Variants in MLLT3 observed in about 807,000 individuals in gnomAD.
The protein encoded by MLLT3 is protein AF-9.
A neutral mutation model predicts 53.2 loss-of-function variants in MLLT3; 4 were observed. That is an observed-to-expected ratio of 0.08 (90% CI 0.04 to 0.17). The LOEUF (loss-of-function observed/expected upper bound fraction) is 0.17, where lower values mean the gene tolerates loss of function less well. MLLT3 is among the 10% of genes least tolerant of loss of function. The pLI, the probability that MLLT3 is intolerant of heterozygous loss-of-function variation, is 1.00. For missense variants in MLLT3, 569 were observed against 684.0 expected (o/e 0.83, Z 1.87); for synonymous variants, 283 against 230.6 (o/e 1.23, Z -2.06).
rs369630971 is a variant in MLLT3, at chr9:20,565,954, T to TTATATATATATATATTTA, written c.193+54699_193+54700insTAAATATATATATATATA. Reference sequence around the variant, plus strand: ...TATATATATTTATATATATATATATTTATATATATATATTTATATATATAT... The same window carrying TTATATATATATATATTTA: ...TATATATATTTATATATATATATATTTATATATATATATATTTATATATATATATATTTATATATATAT... On this transcript the variant is annotated intron_variant, in intron 2 of 10. Coordinates refer to ENST00000380338, the MANE Select transcript of MLLT3 (RefSeq NM_004529.4). Among the ~76,000 whole-genome samples the TTATATATATATATATTTA allele has an allele frequency of 3.6e-3, 126 of 34,664 alleles. 4 individuals are homozygous for TTATATATATATATATTTA. Among genetic ancestry groups the TTATATATATATATATTTA allele is most frequent in the Middle Eastern group, 9.4e-3 (1 of 106 alleles). 22.7% of individuals were successfully genotyped at this position (34,664 alleles called of 152,430 possible).
intron 2 of MLLT3, among the ~76,000 whole-genome samples, chr9:20,566,873 A>G (rs1819390930): frequency 6.6e-6 from 1 of 152,130 alleles, no homozygotes; most frequent in Non-Finnish European, 1.5e-5. Flanking sequence ...CAGCACAAGG[A>G]TACGGAGGAA....
At chr9:20,354,279 TA>T (rs947473276) in intron 9 of MLLT3, among the ~76,000 whole-genome samples, 13 of 152,224 alleles carry the variant, frequency 8.5e-5, no homozygotes, top group African/African-American at 2.7e-4. Flanking sequence ...GAGTCTTTGT[TA>T]GTGTAACTGC....
intron 5 of MLLT3, among the ~76,000 whole-genome samples, chr9:20,394,979 A>G (rs1822283502): frequency 6.6e-6 from 1 of 152,098 alleles, no homozygotes; most frequent in Non-Finnish European, 1.5e-5. Context: ...AGAGCAGGTG[A>G]AAGAAAGGTC....
intron 2 of MLLT3, among the ~76,000 whole-genome samples, chr9:20,606,221 A>G (rs1481338932): frequency 6.6e-6 from 1 of 151,996 alleles, no homozygotes; most frequent in East Asian, 1.9e-4. Context: ...ATTCAAGACC[A>G]CCCATTGAAA....
rs912710231 is a variant in MLLT3, at chr9:20,400,497, T to C, written c.1125+13224A>G. On this transcript the variant is annotated intron_variant, in intron 5 of 10. Transcript: ENST00000380338. ...CTTTAGATGTGATCATGGTATTTAGTTCTGTTTTTTAAAAAAGTCCTTATC... is the reference window on the plus strand; with the variant it reads ...CTTTAGATGTGATCATGGTATTTAGCTCTGTTTTTTAAAAAAGTCCTTATC... 2.6e-5 allele frequency among the ~76,000 whole-genome samples: 4 copies of C among 152,138 alleles called. No individual in the cohort carries two copies. The South Asian group carries it at 6.2e-4, about 24-fold the overall frequency.
chr9:20,415,085 ATGGC>A (rs1288284419), intron 4 of MLLT3, among the ~76,000 whole-genome samples: 2 of 152,178 alleles, frequency 1.3e-5, no homozygotes, highest in Non-Finnish European at 2.9e-5. Flanking sequence ...TAAATTTCAA[ATGGC>A]TTTGCAATAT....
chr9:20,373,745 C>T (rs552231324), intron 5 of MLLT3, among the ~76,000 whole-genome samples: 42 of 151,968 alleles, frequency 2.8e-4, no homozygotes, highest in Non-Finnish European at 4.7e-4. Context: ...AAAATGTAAA[C>T]CTCACCTAGA....
In MLLT3 at chr9:20,456,845, C is replaced by G. The variant is rs1367900037; in HGVS notation, c.194-59G>C. ...GAATAATAGACAAAAAGACATTCTT[C>G]TTTTAAAAAAAAAAATCCCATTCTA... On this transcript the variant is annotated intron_variant, in intron 2 of 10. Transcript: ENST00000380338. 2.3e-6 allele frequency: 3 copies of G among 1,283,050 alleles called. No individual in the cohort carries two copies. In the African/African-American group the frequency reaches 4.7e-5, roughly 20 times the overall value. 79.5% of individuals were successfully genotyped at this position (1,283,050 alleles called of 1,614,324 possible).
In MLLT3 at chr9:20,426,683, C is replaced by T. The variant is rs575273171; in HGVS notation, c.421-12258G>A. On this transcript the variant is annotated intron_variant, in intron 4 of 10. Transcript: ENST00000380338. ...TACTATGGCTTTGCAGAAAACAACTCGTCTAATTTGGGCAATATGGTGGAC... is the reference window on the plus strand; with the variant it reads ...TACTATGGCTTTGCAGAAAACAACTTGTCTAATTTGGGCAATATGGTGGAC... 7.9e-5 allele frequency among the ~76,000 whole-genome samples: 12 copies of T among 152,054 alleles called. 1 individual carries two copies. The highest frequency in any genetic ancestry group is 2.7e-4 in the African/African-American group (11 of 41,474).
At chr9:20,365,588 T>A in intron 6 of MLLT3, 81 bp downstream of exon 6, 4 of 1,486,054 alleles carry the variant, frequency 2.7e-6, no homozygotes, top group Non-Finnish European at 3.8e-6. Context: ...GACCTCTTGA[T>A]CCACCCGTGT....
intron 2 of MLLT3, among the ~76,000 whole-genome samples, chr9:20,542,444 GT>G (rs1373122010): frequency 1.3e-5 from 2 of 151,996 alleles, no homozygotes; most frequent in East Asian, 3.9e-4. Flanking sequence ...TAGAGATGGG[GT>G]TTCACCTTGT....
At position 20,620,513 on chromosome 9, in the gene MLLT3, C is replaced by G. The variant is rs1820970920; in HGVS notation, c.193+141G>C. 2.0e-6 allele frequency: 1 copy of G among 489,560 alleles called. No homozygotes were observed. The highest frequency in any genetic ancestry group is 2.1e-5 in the African/African-American group (1 of 47,988). The allele number at this position is 489,560 out of a possible 1,614,324, so 30.3% of individuals were successfully genotyped here. A position where few individuals can be genotyped will look rare whatever the true frequency, so the allele number is the denominator to read the frequency against. On this transcript the variant is annotated intron_variant, in intron 2 of 10. Transcript: ENST00000380338. This position sits in a 1 kb window ranked among gnomAD's most constrained non-coding sequence, Gnocchi z 6.1. The stretch of plus-strand genomic sequence containing the variant: ...CAGGCGGGAGCCGGGACCTGGCCCG[C>G]GCGGCGCCGCGCACCCGGATCCCGA...
At chr9:20,442,638 T>C (rs927812286) in intron 4 of MLLT3, among the ~76,000 whole-genome samples, 1 of 152,180 alleles carries the variant, frequency 6.6e-6, no homozygotes. Context: ...TGTGTTCAGA[T>C]GGCTTGACAC....
chr9:20,499,490 T>TA (rs1239639239), intron 2 of MLLT3, among the ~76,000 whole-genome samples: 2 of 151,928 alleles, frequency 1.3e-5, no homozygotes, highest in East Asian at 1.9e-4. Flanking sequence ...ACATTGTCTT[T>TA]AAAAAAAACA....
At chr9:20,537,255 A>T (rs578237715) in intron 2 of MLLT3, among the ~76,000 whole-genome samples, 4 of 152,384 alleles carry the variant, frequency 2.6e-5, no homozygotes, top group African/African-American at 9.6e-5. Flanking sequence ...AAATCAATGC[A>T]TACTACATAC....
At chr9:20,494,284 G>A (rs528322947) in intron 2 of MLLT3, among the ~76,000 whole-genome samples, 7 of 151,998 alleles carry the variant, frequency 4.6e-5, no homozygotes, top group Middle Eastern at 3.4e-3. Flanking sequence ...TCACTCTACC[G>A]AGAGACATAG....
At chr9:20,436,906 A>C (rs192453408) in intron 4 of MLLT3, among the ~76,000 whole-genome samples, 13 of 152,314 alleles carry the variant, frequency 8.5e-5, no homozygotes, top group African/African-American at 1.2e-4. Context: ...TCACTGTGCT[A>C]ATCATTTCTC....
Position 20,448,433 on chromosome 9 carries a change from A to C in MLLT3, c.277-167T>G, listed in dbSNP as rs1347404813. 6.6e-6 allele frequency among the ~76,000 whole-genome samples: 1 copy of C among 152,196 alleles called. No individual in the cohort carries two copies. Among genetic ancestry groups the C allele is most frequent in the African/African-American group, 2.4e-5 (1 of 41,464 alleles). Reference sequence around the variant, plus strand: ...AAAAAGTATCATGGAATCATCAGTGAAACAAAATAGAAATGTCTGACAAAT... The same window carrying C: ...AAAAAGTATCATGGAATCATCAGTGCAACAAAATAGAAATGTCTGACAAAT... On this transcript the variant is annotated intron_variant, in intron 3 of 10. Transcript: ENST00000380338. This position sits in a 1 kb window ranked among gnomAD's most constrained non-coding sequence, Gnocchi z 4.0.
At chr9:20,524,813 C>A (rs1818157054) in intron 2 of MLLT3, among the ~76,000 whole-genome samples, 1 of 152,128 alleles carries the variant, frequency 6.6e-6, no homozygotes, top group African/African-American at 2.4e-5. Flanking sequence ...AACTCCACAC[C>A]CCCTCTACCT....
Sources: allele counts gnomAD v4.1 joint callset (sites outside exome capture counted in the v4.1 genomes callset), GRCh38; gene constraint gnomAD v4.1.1; non-coding constraint Gnocchi (gnomAD v3.1); transcripts MANE v1.5; gene names NCBI Gene and HGNC (gene_info 2026-07-23, HGNC 2026-07-21).